Variants in HRH1 observed in about 807,000 individuals in gnomAD.
HRH1 encodes the protein histamine H1 receptor.
Under a neutral mutation model 10.3 loss-of-function variants are expected in HRH1, and 6 were observed. The ratio of observed to expected loss-of-function variants is 0.58; its 90% CI spans 0.32 to 1.15. HRH1 has a LOEUF of 1.15. HRH1 is among the 50% of genes most tolerant of loss of function. HRH1 has a pLI of 0.05. For missense variants in HRH1, 514 were observed against 615.3 expected (o/e 0.84, Z 1.74); for synonymous variants, 242 against 236.7 (o/e 1.02, Z -0.21).
intron 1 of HRH1, among the ~76,000 whole-genome samples, chr3:11,155,815 C>G (rs148280898): frequency 2.0e-4 from 30 of 152,262 alleles, no homozygotes; most frequent in African/African-American, 6.5e-4. Flanking sequence ...CAGAAACCAG[C>G]AGAGACTGGG....
rs113468928 is a variant in HRH1, at chr3:11,229,372, G to A, written c.-35-29631G>A. ...GCTGGAGTGCTGTGGGTCAAAATATGGAGGAAATGTCATACCAACAGCCTA... is the reference window on the plus strand; with the variant it reads ...GCTGGAGTGCTGTGGGTCAAAATATAGAGGAAATGTCATACCAACAGCCTA... On this transcript the variant is annotated intron_variant, in intron 1 of 1. Transcript: ENST00000431010. Among the ~76,000 whole-genome samples the A allele has an allele frequency of 4.7e-3, 714 of 152,288 alleles. 4 individuals carry two copies. Among genetic ancestry groups the A allele is most frequent in the African/African-American group, 0.016 (678 of 41,550 alleles).
At chr3:11,257,741 G>T (rs1350373724) in intron 1 of HRH1, among the ~76,000 whole-genome samples, 2 of 152,090 alleles carry the variant, frequency 1.3e-5, no homozygotes, top group Non-Finnish European at 2.9e-5. Flanking sequence ...ACCCAAGCTG[G>T]AGTGCAGTGA....
chr3:11,214,433 C>T (rs1167695460), intron 1 of HRH1, among the ~76,000 whole-genome samples: 1 of 152,148 alleles, frequency 6.6e-6, no homozygotes, highest in Admixed American at 6.5e-5. Context: ...ATATCACATC[C>T]AAAAGAAACC....
At chr3:11,203,246 T>C (rs1046686985) in intron 1 of HRH1, among the ~76,000 whole-genome samples, 2 of 151,764 alleles carry the variant, frequency 1.3e-5, no homozygotes, top group Admixed American at 6.6e-5. Flanking sequence ...TAGACACAAG[T>C]TTTCAAGTCT....
chr3:11,243,632 C>G (rs1404527366), intron 1 of HRH1, among the ~76,000 whole-genome samples: 1 of 152,232 alleles, frequency 6.6e-6, no homozygotes, highest in Non-Finnish European at 1.5e-5. Context: ...GCTCTAGGCA[C>G]TTCCAATGAC....
intron 1 of HRH1, among the ~76,000 whole-genome samples, chr3:11,157,426 A>G (rs907660404): frequency 3.6e-4 from 55 of 152,238 alleles, no homozygotes; most frequent in African/African-American, 1.2e-3. Flanking sequence ...TACCTGGCAG[A>G]GGATCATTCA....
chr3:11,156,475 C>T (rs1936801145), intron 1 of HRH1, among the ~76,000 whole-genome samples: 1 of 152,164 alleles, frequency 6.6e-6, no homozygotes, highest in Non-Finnish European at 1.5e-5. Flanking sequence ...TGGCACTTTC[C>T]TCTTCACAAT....
chr3:11,170,113 G>C (rs17034073), intron 1 of HRH1, among the ~76,000 whole-genome samples: 14,625 of 152,206 alleles, frequency 0.096, 847 homozygotes, highest in East Asian at 0.22. Flanking sequence ...CACCACGAAC[G>C]AGCTGTGTGA....
At position 11,262,174 on chromosome 3, in the gene HRH1, C is replaced by T. The variant is rs1682489179; in HGVS notation, c.*1673C>T. ...TATTTTAAAGCTTGGTGCTAAACCA[C>T]AATATGTATAGCATATGGAGTGCCT... On this transcript the variant is annotated 3_prime_UTR_variant, in exon 2 of 2. Coordinates refer to ENST00000431010, the MANE Select transcript of HRH1 (RefSeq NM_001098212.2). 6.0e-6 allele frequency: 1 copy of T among 167,078 alleles called. No homozygotes were observed. The highest frequency in any genetic ancestry group is 2.1e-4 in the South Asian group (1 of 4,830). The allele number at this position is 167,078 out of a possible 1,614,324, so 10.3% of individuals were successfully genotyped here.
At chr3:11,204,647 A>T (rs540426729) in intron 1 of HRH1, among the ~76,000 whole-genome samples, 36 of 152,342 alleles carry the variant, frequency 2.4e-4, no homozygotes, top group Middle Eastern at 3.4e-3. Context: ...ACTACGTGTT[A>T]GGTGCTTTAC....
At chr3:11,146,765 G>A (rs1173783603) in intron 1 of HRH1, among the ~76,000 whole-genome samples, 1 of 152,190 alleles carries the variant, frequency 6.6e-6, no homozygotes, top group African/African-American at 2.4e-5. Flanking sequence ...GTTTGGGGGT[G>A]GGCAGAAGAA....
chr3:11,213,543 G>A (rs554816414), intron 1 of HRH1, among the ~76,000 whole-genome samples: 1 of 152,340 alleles, frequency 6.6e-6, no homozygotes, highest in South Asian at 2.1e-4. Context: ...GGTTAAGTGT[G>A]TAGGGAGGGT....
chr3:11,243,978 C>G (rs1489963944), intron 1 of HRH1, among the ~76,000 whole-genome samples: 1 of 152,180 alleles, frequency 6.6e-6, no homozygotes, highest in African/African-American at 2.4e-5. Context: ...GACAGTGTAT[C>G]AATTAGGATT....
At chr3:11,252,375 T>G (rs775517168) in intron 1 of HRH1, among the ~76,000 whole-genome samples, 2 of 152,210 alleles carry the variant, frequency 1.3e-5, no homozygotes, top group Non-Finnish European at 2.9e-5. Context: ...CTACTTCTTT[T>G]CTATCATCTC....
chr3:11,191,773 G>A (rs1937536041), intron 1 of HRH1, among the ~76,000 whole-genome samples: 2 of 152,214 alleles, frequency 1.3e-5, no homozygotes, highest in South Asian at 4.1e-4. Context: ...CAGTTGGCGT[G>A]TAGGGAGATA....
rs202107623 is a variant in HRH1, at chr3:11,260,240, T to C, written c.1203T>C (p.Tyr401=). Residue 401 remains tyrosine, a synonymous_variant, in exon 2 of 2, where the codon TAT becomes TAC. Coordinates refer to ENST00000431010, the MANE Select transcript of HRH1 (RefSeq NM_001098212.2). ...GGCTCCGCTCGCATTCAAGACAGTATGTATCTGGGTTGCACATGAACCGCG... is the reference window on the plus strand; with the variant it reads ...GGCTCCGCTCGCATTCAAGACAGTACGTATCTGGGTTGCACATGAACCGCG... ...WKRLRSHSRQ[Y]VSGLHMNRER... 1.4e-5 allele frequency: 23 copies of C among 1,614,166 alleles called. No homozygotes were observed. In the East Asian group the frequency reaches 4.0e-4, roughly 28 times the overall value.
intron 1 of HRH1, among the ~76,000 whole-genome samples, chr3:11,190,225 G>C (rs1239767766): frequency 6.6e-6 from 1 of 151,552 alleles, no homozygotes; most frequent in Non-Finnish European, 1.5e-5. Context: ...AAAGAACACT[G>C]ACTAGTCCGG....
intron 1 of HRH1, among the ~76,000 whole-genome samples, chr3:11,182,235 G>A (rs757309636): frequency 7.2e-5 from 11 of 152,060 alleles, no homozygotes; most frequent in Non-Finnish European, 1.5e-4. Flanking sequence ...CCCCGCCTTG[G>A]CCTCCCAAAG....
chr3:11,160,941 A>G (rs1233943193), intron 1 of HRH1, among the ~76,000 whole-genome samples: 9 of 152,252 alleles, frequency 5.9e-5, no homozygotes, highest in African/African-American at 1.4e-4. Flanking sequence ...GTGAGCTAAC[A>G]TGGGATAGTG....
Sources: allele counts gnomAD v4.1 joint callset (sites outside exome capture counted in the v4.1 genomes callset), GRCh38; gene constraint gnomAD v4.1.1; transcripts MANE v1.5; gene names NCBI Gene and HGNC (gene_info 2026-07-23, HGNC 2026-07-21).